NXPH1: variants seen among roughly 807,000 people sequenced by gnomAD.
NXPH1 encodes neurexophilin 1.
NXPH1 carries 5 observed loss-of-function variants against 23.7 expected under a neutral mutation model. That is an observed-to-expected ratio of 0.21 (90% confidence interval 0.11 to 0.44). The LOEUF is 0.44. Ranked by LOEUF, NXPH1 falls within the 20% of genes least tolerant of loss-of-function variation. NXPH1 has a pLI of 0.99. For synonymous variants in NXPH1, 144 were observed against 122.2 expected (o/e 1.18, Z -1.18); for missense variants, 324 against 321.6 (o/e 1.01, Z -0.06).
chr7:8,617,769 G>A (rs1223945861), intron 2 of NXPH1, among the ~76,000 whole-genome samples: 2 of 152,036 alleles, frequency 1.3e-5, no homozygotes, highest in Non-Finnish European at 2.9e-5. Flanking sequence ...TAACGTAATT[G>A]TACGTTTTAA....
At chr7:8,490,062 C>G (rs1007121022) in intron 2 of NXPH1, among the ~76,000 whole-genome samples, 1 of 152,052 alleles carries the variant, frequency 6.6e-6, no homozygotes, top group East Asian at 1.9e-4. Flanking sequence ...AAAGGAGTGT[C>G]CTTCAGTATC....
intron 2 of NXPH1, among the ~76,000 whole-genome samples, chr7:8,457,538 C>CTTTTTT (rs1398194475): frequency 9.7e-6 from 1 of 103,034 alleles, no homozygotes; most frequent in Non-Finnish European, 1.8e-5. Flanking sequence ...TGCCCTAATT[C>CTTTTTT]TTAGTTTTTT....
chr7:8,618,436 C>G (rs1480465886), intron 2 of NXPH1, among the ~76,000 whole-genome samples: 1 of 152,092 alleles, frequency 6.6e-6, no homozygotes, highest in Non-Finnish European at 1.5e-5. Context: ...GGATGTTTAG[C>G]CAATGAGCGT....
intron 2 of NXPH1, among the ~76,000 whole-genome samples, chr7:8,692,331 G>C (rs542506560): frequency 6.6e-6 from 1 of 152,262 alleles, no homozygotes; most frequent in East Asian, 1.9e-4. Flanking sequence ...TTATTGAAAA[G>C]CTATTGCACC....
At chr7:8,658,577 A>C (rs892408233) in intron 2 of NXPH1, among the ~76,000 whole-genome samples, 1 of 152,240 alleles carries the variant, frequency 6.6e-6, no homozygotes, top group Middle Eastern at 3.2e-3. Context: ...ACATTTAAAA[A>C]AGGTTTCTTA....
chr7:8,621,215 C>T (rs1819862100), intron 2 of NXPH1, among the ~76,000 whole-genome samples: 1 of 152,020 alleles, frequency 6.6e-6, no homozygotes, highest in South Asian at 2.1e-4. Flanking sequence ...GTGATAGTCA[C>T]CATGAAAGAG....
intron 2 of NXPH1, among the ~76,000 whole-genome samples, chr7:8,458,592 C>T (rs1407609186): frequency 1.3e-5 from 2 of 152,204 alleles, no homozygotes; most frequent in Non-Finnish European, 2.9e-5. Context: ...GAATCCCAGA[C>T]TTCGACTTTA....
intron 2 of NXPH1, among the ~76,000 whole-genome samples, chr7:8,518,026 G>T (rs1450313750): frequency 6.6e-6 from 1 of 152,090 alleles, no homozygotes. Context: ...AAATTCTTAG[G>T]TGCTGAATTT....
chr7:8,728,680 G>A (rs1010880527), intron 2 of NXPH1, among the ~76,000 whole-genome samples: 6 of 151,576 alleles, frequency 4.0e-5, no homozygotes, highest in Non-Finnish European at 8.9e-5. Flanking sequence ...TGCATCCCAG[G>A]GATGAAGCCC....
At chr7:8,624,254 T>C (rs1305488435) in intron 2 of NXPH1, among the ~76,000 whole-genome samples, 2 of 152,130 alleles carry the variant, frequency 1.3e-5, no homozygotes, top group East Asian at 3.9e-4. Context: ...GGAATGTCTT[T>C]AGAGAAAGTA....
At chr7:8,579,371 TTTTTG>T (rs199549046) in intron 2 of NXPH1, among the ~76,000 whole-genome samples, 37 of 124,878 alleles carry the variant, frequency 3.0e-4, no homozygotes, top group African/African-American at 5.5e-4. Flanking sequence ...TTGTTTTTTT[TTTTTG>T]TTTTGTTTTT....
At chr7:8,602,779 A>G (rs1819388879) in intron 2 of NXPH1, among the ~76,000 whole-genome samples, 1 of 152,026 alleles carries the variant, frequency 6.6e-6, no homozygotes, top group South Asian at 2.1e-4. Context: ...CTCCAATATC[A>G]TGTTCCTGTT....
At chr7:8,695,964 C>T (rs1236880852) in intron 2 of NXPH1, among the ~76,000 whole-genome samples, 1 of 152,116 alleles carries the variant, frequency 6.6e-6, no homozygotes, top group Admixed American at 6.5e-5. Flanking sequence ...GAAAATAACA[C>T]CATGTGTCCA....
At chr7:8,547,618 C>G (rs1045954228) in intron 2 of NXPH1, among the ~76,000 whole-genome samples, 1 of 151,192 alleles carries the variant, frequency 6.6e-6, no homozygotes, top group African/African-American at 2.4e-5. Context: ...ATCTGTTGCC[C>G]CTAGGTAGTT....
chr7:8,492,288 T>A (rs1446882501), intron 2 of NXPH1, among the ~76,000 whole-genome samples: 1 of 152,058 alleles, frequency 6.6e-6, no homozygotes, highest in Non-Finnish European at 1.5e-5. Flanking sequence ...GATGTCACTC[T>A]TATTAAGTTT....
intron 2 of NXPH1, among the ~76,000 whole-genome samples, chr7:8,518,451 A>C (rs537539644): frequency 6.6e-6 from 1 of 152,282 alleles, no homozygotes; most frequent in South Asian, 2.1e-4. Flanking sequence ...AAAACAGAAG[A>C]ATATATAAAG....
At chr7:8,685,664 G>C (rs1821135491) in intron 2 of NXPH1, among the ~76,000 whole-genome samples, 1 of 151,906 alleles carries the variant, frequency 6.6e-6, no homozygotes, top group Admixed American at 6.6e-5. Flanking sequence ...TCAAATTTTA[G>C]CTTTCTGAGA....
At chr7:8,545,191 G>T (rs1007647222) in intron 2 of NXPH1, among the ~76,000 whole-genome samples, 2 of 151,514 alleles carry the variant, frequency 1.3e-5, no homozygotes, top group Non-Finnish European at 3.0e-5. Flanking sequence ...AGTAGCTTGT[G>T]AAATTGAGGC....
intron 2 of NXPH1, among the ~76,000 whole-genome samples, chr7:8,685,558 A>G (rs900443337): frequency 2.0e-4 from 30 of 152,028 alleles, no homozygotes; most frequent in African/African-American, 6.8e-4. Context: ...AAACAGCGCT[A>G]CACAAAACAT....
Sources: gnomAD v4.1 joint callset for allele counts (sites outside exome capture counted in the v4.1 genomes callset) on GRCh38, gnomAD v4.1.1 for gene constraint, MANE v1.5 for transcripts, NCBI Gene and HGNC (gene_info 2026-07-23, HGNC 2026-07-21) for gene names.